The following SLC24A2 variants were observed in gnomAD, a reference collection of about 807,000 sequenced individuals.
The protein encoded by SLC24A2 is solute carrier family 24 member 2, also known as sodium/potassium/calcium exchanger 2.
SLC24A2 carries 36 observed loss-of-function variants against 62.0 expected under a neutral mutation model. The observed-to-expected ratio is 0.58, with a 90% CI of 0.44 to 0.77. The LOEUF is 0.77. SLC24A2 is among the 30% of genes least tolerant of loss of function. The pLI, the probability that SLC24A2 is intolerant of heterozygous loss-of-function variation, is 0.00. For missense variants in SLC24A2, 846 were observed against 817.9 expected (o/e 1.03, Z -0.42); for synonymous variants, 358 against 294.0 (o/e 1.22, Z -2.23).
the SLC24A2 span, among the ~76,000 whole-genome samples, chr9:20,255,199 C>G: frequency 6.6e-6 from 1 of 152,198 alleles, no homozygotes; most frequent in African/African-American, 2.4e-5. Context: ...TACCACTTAG[C>G]TGAGAGATGA....
At chr9:20,190,257 G>C in the SLC24A2 span, among the ~76,000 whole-genome samples, 3 of 152,174 alleles carry the variant, frequency 2.0e-5, no homozygotes, top group Non-Finnish European at 4.4e-5. Context: ...TGCCAGGGCA[G>C]TCCTCAGGGA....
chr9:19,831,594 T>A, the SLC24A2 span, among the ~76,000 whole-genome samples: 2 of 152,220 alleles, frequency 1.3e-5, no homozygotes, highest in Non-Finnish European at 2.9e-5. Flanking sequence ...ATGACACTGC[T>A]TCATAGGTTT....
the SLC24A2 span, among the ~76,000 whole-genome samples, chr9:20,188,041 T>G: frequency 6.6e-6 from 1 of 152,208 alleles, no homozygotes; most frequent in Non-Finnish European, 1.5e-5. Context: ...AGGGCTGAAT[T>G]TGGCATCATG....
chr9:20,073,529 G>A, the SLC24A2 span, among the ~76,000 whole-genome samples: 2 of 152,076 alleles, frequency 1.3e-5, no homozygotes, highest in Non-Finnish European at 2.9e-5. Flanking sequence ...GTGTACATCA[G>A]GGGGTGGAAA....
At chr9:20,181,231 C>T in the SLC24A2 span, among the ~76,000 whole-genome samples, 1 of 151,286 alleles carries the variant, frequency 6.6e-6, no homozygotes, top group African/African-American at 2.4e-5. Context: ...TCTCTCTAAG[C>T]CTTAGTTTTC....
At chr9:20,034,439 C>G in the SLC24A2 span, among the ~76,000 whole-genome samples, 1 of 143,822 alleles carries the variant, frequency 7.0e-6, no homozygotes, top group Non-Finnish European at 1.5e-5. Context: ...TTTAAACACT[C>G]TGGCCTTTTA....
intron 5 of SLC24A2, among the ~76,000 whole-genome samples, chr9:19,593,906 A>G (rs1335914987): frequency 6.6e-6 from 1 of 152,144 alleles, no homozygotes; most frequent in Non-Finnish European, 1.5e-5. Flanking sequence ...CTTCAATAAA[A>G]TACACTTTTA....
At chr9:19,562,629 T>A (rs1451474573) in intron 7 of SLC24A2, among the ~76,000 whole-genome samples, 1 of 152,122 alleles carries the variant, frequency 6.6e-6, no homozygotes, top group African/African-American at 2.4e-5. Context: ...CCTAAAAAAA[T>A]ATGTATGTAC....
the SLC24A2 span, among the ~76,000 whole-genome samples, chr9:20,296,842 C>G: frequency 2.0e-5 from 3 of 152,272 alleles, no homozygotes; most frequent in Non-Finnish European, 1.5e-5. Flanking sequence ...CTGTTATGCT[C>G]TCATGACTGT....
the SLC24A2 span, among the ~76,000 whole-genome samples, chr9:19,961,749 G>A: frequency 2.0e-5 from 3 of 152,128 alleles, no homozygotes; most frequent in Admixed American, 6.6e-5. Flanking sequence ...ATATGGCTTC[G>A]CCTCTCTCTT....
chr9:19,755,211 A>C (rs1193455923), intron 2 of SLC24A2, among the ~76,000 whole-genome samples: 1 of 152,142 alleles, frequency 6.6e-6, no homozygotes, highest in Non-Finnish European at 1.5e-5. Flanking sequence ...ATTACATAAG[A>C]TAATACATGT....
the SLC24A2 span, among the ~76,000 whole-genome samples, chr9:19,959,041 T>C: frequency 6.6e-6 from 1 of 151,894 alleles, no homozygotes; most frequent in Non-Finnish European, 1.5e-5. Context: ...TCTGGTGTTC[T>C]ATGGCCTTTT....
intron 4 of SLC24A2, among the ~76,000 whole-genome samples, chr9:19,614,898 C>T (rs76837975): frequency 6.6e-6 from 1 of 152,154 alleles, no homozygotes; most frequent in East Asian, 1.9e-4. Context: ...CATCAAATGA[C>T]CTCCAATGAT....
the SLC24A2 span, among the ~76,000 whole-genome samples, chr9:20,169,409 C>G: frequency 2.0e-5 from 3 of 152,000 alleles, no homozygotes; most frequent in Non-Finnish European, 2.9e-5. Flanking sequence ...CTCACAAATT[C>G]TCTGAAGGAA....
At chr9:20,100,088 C>G in the SLC24A2 span, among the ~76,000 whole-genome samples, 25 of 151,996 alleles carry the variant, frequency 1.6e-4, no homozygotes, top group Non-Finnish European at 1.3e-4. Flanking sequence ...GTGCAATTGA[C>G]AGCCTCGTCC....
At chr9:20,173,951 A>G in the SLC24A2 span, among the ~76,000 whole-genome samples, 1 of 152,092 alleles carries the variant, frequency 6.6e-6, no homozygotes, top group Non-Finnish European at 1.5e-5. Context: ...TTCAAACTAT[A>G]CTAGAAAACC....
At chr9:20,220,552 C>G in the SLC24A2 span, among the ~76,000 whole-genome samples, 1 of 152,104 alleles carries the variant, frequency 6.6e-6, no homozygotes, top group Non-Finnish European at 1.5e-5. Context: ...TGTTACACAA[C>G]ACATGTCCCA....
intron 7 of SLC24A2, among the ~76,000 whole-genome samples, chr9:19,558,740 C>T (rs116995248): frequency 6.6e-6 from 1 of 152,210 alleles, no homozygotes; most frequent in Non-Finnish European, 1.5e-5. Flanking sequence ...CATCTTTAAA[C>T]AAGGAACTAT....
Position 19,668,455 on chromosome 9 carries a change from G to T in SLC24A2, c.931-46156C>A, listed in dbSNP as rs146785357. Among the ~76,000 whole-genome samples, 487 of 152,250 alleles carry T rather than the reference G, an allele frequency of 3.2e-3. 3 individuals carry two copies. Among genetic ancestry groups the T allele is most frequent in the South Asian group, 9.1e-3 (44 of 4,818 alleles). ...TTTCCTCAAATCGCAAAACATTTCC[G>T]TACCTGCATGCCTATGCTCAATCTT... On this transcript the variant is annotated intron_variant, in intron 2 of 10. Transcript: ENST00000341998.
Sources: allele counts gnomAD v4.1 joint callset (sites outside exome capture counted in the v4.1 genomes callset), GRCh38; gene constraint gnomAD v4.1.1; transcripts MANE v1.5; gene names NCBI Gene and HGNC (gene_info 2026-07-23, HGNC 2026-07-21).